CPA6: variants seen among roughly 807,000 people sequenced by gnomAD.
CPA6 encodes the protein carboxypeptidase B.
In CPA6, 58 loss-of-function variants were observed where a neutral mutation model predicts 63.3. That is an observed-to-expected ratio of 0.92 (90% CI 0.74 to 1.14). CPA6 has a LOEUF of 1.14. Ranked by LOEUF, CPA6 falls within the 50% of genes most tolerant of loss-of-function variation. CPA6 has a pLI of 0.00. For missense variants in CPA6, 565 were observed against 526.6 expected (o/e 1.07, Z -0.71); for synonymous variants, 185 against 179.0 (o/e 1.03, Z -0.27).
chr8:67,436,439 C>CAA (rs112696880), intron 8 of CPA6, among the ~76,000 whole-genome samples: 81 of 145,068 alleles, frequency 5.6e-4, no homozygotes, highest in Middle Eastern at 3.6e-3. Flanking sequence ...TGGCAACGAC[C>CAA]AAAAAAAAAG....
chr8:67,644,777 A>T (rs754968566), intron 1 of CPA6, among the ~76,000 whole-genome samples: 2 of 152,176 alleles, frequency 1.3e-5, no homozygotes, highest in African/African-American at 2.4e-5. Flanking sequence ...GGCCAAAGGG[A>T]ACCAGGCTTC....
intron 1 of CPA6, among the ~76,000 whole-genome samples, chr8:67,633,191 C>A (rs1466846877): frequency 2.0e-5 from 3 of 152,142 alleles, no homozygotes; most frequent in Non-Finnish European, 4.4e-5. Context: ...TTATTTTATG[C>A]TCTTTATCCT....
Position 67,676,950 on chromosome 8 carries a change from G to A in CPA6, c.117-52699C>T, listed in dbSNP as rs78506631. Among the ~76,000 whole-genome samples the A allele has an allele frequency of 1.2e-3, 190 of 152,204 alleles. 1 individual carries two copies. The highest frequency in any genetic ancestry group is 4.3e-3 in the African/African-American group (178 of 41,532). ...AAAACGTGTGCATATGTGTATGTAC[G>A]TATATGTATATACACATACTCTGTG... On this transcript the variant is annotated intron_variant, in intron 1 of 10. Coordinates refer to ENST00000297770, the MANE Select transcript of CPA6 (RefSeq NM_020361.5).
chr8:67,631,816 C>T (rs371304870), intron 1 of CPA6, among the ~76,000 whole-genome samples: 4 of 152,168 alleles, frequency 2.6e-5, no homozygotes, highest in East Asian at 1.9e-4. Context: ...ATGAACCCAC[C>T]GGGAGGAATG....
chr8:67,672,991 C>T (rs1054780129), intron 1 of CPA6, among the ~76,000 whole-genome samples: 6 of 152,010 alleles, frequency 3.9e-5, no homozygotes, highest in African/African-American at 1.5e-4. Context: ...ATAGCAAATT[C>T]TACTGTAAGA....
rs1812380088 is a variant in CPA6 at position 67,527,122 on chromosome 8, A to C, written c.193-9075T>G. Among the ~76,000 whole-genome samples the C allele has an allele frequency of 2.0e-5, 3 of 152,220 alleles. No homozygotes were observed. In the South Asian group the frequency reaches 6.2e-4, roughly 32 times the overall value. ...GCCCCTGGGCTGTATCTCACCAAGTAATAGAGATTTTCCTCTACTGTCTTT... is the reference window on the plus strand; with the variant it reads ...GCCCCTGGGCTGTATCTCACCAAGTCATAGAGATTTTCCTCTACTGTCTTT... On this transcript the variant is annotated intron_variant, in intron 2 of 10. Coordinates refer to ENST00000297770, the MANE Select transcript of CPA6 (RefSeq NM_020361.5).
At chr8:67,593,093 C>G (rs1314853171) in intron 2 of CPA6, among the ~76,000 whole-genome samples, 8 of 149,758 alleles carry the variant, frequency 5.3e-5, no homozygotes, top group African/African-American at 2.0e-4. Flanking sequence ...TGTCTTTGTT[C>G]TCGTTGGTTT....
rs1344223298 is a variant in CPA6 at position 67,618,109 on chromosome 8, G to T, written c.192+6067C>A. 5.3e-5 allele frequency among the ~76,000 whole-genome samples: 8 copies of T among 152,320 alleles called. No homozygotes were observed. The East Asian group carries it at 1.5e-3, about 29-fold the overall frequency. ...TGCAATCCTTTTACAATGGTGCCCA[G>T]ATTAGCATTTCAGGAGAGAAGATGT... On this transcript the variant is annotated intron_variant, in intron 2 of 10. Transcript: ENST00000297770.
chr8:67,720,182 T>C (rs1563407506), intron 1 of CPA6, among the ~76,000 whole-genome samples: 1 of 147,446 alleles, frequency 6.8e-6, no homozygotes, highest in Admixed American at 6.7e-5. Context: ...AGGTGCTCAG[T>C]GGGGGTGCTT....
At chr8:67,730,263 T>C (rs1817681302) in intron 1 of CPA6, among the ~76,000 whole-genome samples, 1 of 152,190 alleles carries the variant, frequency 6.6e-6, no homozygotes, top group Non-Finnish European at 1.5e-5. Context: ...CTAGGATGGC[T>C]CACAGAACTT....
At chr8:67,486,983 A>C (rs1049905733) in intron 6 of CPA6, among the ~76,000 whole-genome samples, 1 of 151,916 alleles carries the variant, frequency 6.6e-6, no homozygotes, top group Non-Finnish European at 1.5e-5. Flanking sequence ...CTCCTGCCTC[A>C]GCCTCCCAAG....
intron 1 of CPA6, among the ~76,000 whole-genome samples, chr8:67,698,758 T>C (rs1310964456): frequency 4.6e-5 from 7 of 152,232 alleles, no homozygotes; most frequent in Non-Finnish European, 1.0e-4. Flanking sequence ...GCCTACCTGA[T>C]CACTGTTAGT....
In CPA6 at chr8:67,434,015, C is replaced by T. The variant is rs200622875; in HGVS notation, c.1041+23G>A. Reference sequence around the variant, plus strand: ...GAAAAGCAGCATGAAGCCTGATGTACATGCACAGGGTCAAATACTTACCAC... The same window carrying T: ...GAAAAGCAGCATGAAGCCTGATGTATATGCACAGGGTCAAATACTTACCAC... On this transcript the variant is annotated intron_variant, in intron 9 of 10. Transcript: ENST00000297770. The T allele has an allele frequency of 2.2e-4, 348 of 1,556,678 alleles. 1 individual carries two copies. In the African/African-American group the frequency reaches 4.1e-3, roughly 19 times the overall value.
At chr8:67,575,593 A>G (rs1279469086) in intron 2 of CPA6, among the ~76,000 whole-genome samples, 2 of 152,342 alleles carry the variant, frequency 1.3e-5, no homozygotes, top group African/African-American at 4.8e-5. Context: ...GCAGTGGCTC[A>G]TGCCTGTAAT....
chr8:67,678,967 A>G (rs1285835286), intron 1 of CPA6, among the ~76,000 whole-genome samples: 1 of 152,226 alleles, frequency 6.6e-6, no homozygotes, highest in Non-Finnish European at 1.5e-5. Context: ...TCAGACAGAA[A>G]GAGTTTGTTT....
chr8:67,623,624 G>T (rs529952343), intron 2 of CPA6, among the ~76,000 whole-genome samples: 139 of 152,052 alleles, frequency 9.1e-4, no homozygotes, highest in African/African-American at 3.0e-3. Context: ...TGCAGAGATG[G>T]GGTTTTACCA....
chr8:67,475,878 TC>T (rs1177071795), intron 8 of CPA6, among the ~76,000 whole-genome samples: 1,459 of 60,880 alleles, frequency 0.024, 101 homozygotes, highest in African/African-American at 0.026. Context: ...TTTCTTTCTT[TC>T]TCCTTTCTTT....
At chr8:67,583,627 G>A (rs879273071) in intron 2 of CPA6, among the ~76,000 whole-genome samples, 1 of 152,164 alleles carries the variant, frequency 6.6e-6, no homozygotes, top group Admixed American at 6.5e-5. Flanking sequence ...TCACACCAAG[G>A]GCTGTGAATT....
intron 1 of CPA6, among the ~76,000 whole-genome samples, chr8:67,644,733 A>G (rs763966399): frequency 1.5e-4 from 23 of 152,192 alleles, no homozygotes; most frequent in Non-Finnish European, 2.6e-4. Flanking sequence ...TGCACATGTC[A>G]GGAGCAATAC....
Sources: gnomAD v4.1 joint callset for allele counts (sites outside exome capture counted in the v4.1 genomes callset) on GRCh38, gnomAD v4.1.1 for gene constraint, MANE v1.5 for transcripts, NCBI Gene and HGNC (gene_info 2026-07-23, HGNC 2026-07-21) for gene names.